ACOT7: variants seen among roughly 807,000 people sequenced by gnomAD.
The protein encoded by ACOT7 is acyl-CoA thioesterase 7, also known as cytosolic acyl coenzyme A thioester hydrolase.
ACOT7 carries 12 observed loss-of-function variants against 40.2 expected under a neutral mutation model. The ratio of observed to expected loss-of-function variants is 0.30; its 90% CI spans 0.19 to 0.48. ACOT7 has a LOEUF of 0.48. ACOT7 is among the 20% of genes least tolerant of loss of function. The probability of loss-of-function intolerance (pLI) is 0.99; values close to 1 mark genes in which losing one functional copy is unlikely to be tolerated. For missense variants in ACOT7, 395 were observed against 530.8 expected (o/e 0.74, Z 2.51); for synonymous variants, 228 against 219.5 (o/e 1.04, Z -0.34).
At chr1:6,329,796 C>T (rs1303495349) in intron 4 of ACOT7, among the ~76,000 whole-genome samples, 1 of 152,088 alleles carries the variant, frequency 6.6e-6, no homozygotes, top group Non-Finnish European at 1.5e-5. Flanking sequence ...CGCTAGAGCA[C>T]ATATTCAGAC....
intron 1 of ACOT7, among the ~76,000 whole-genome samples, chr1:6,371,659 G>C (rs944068098): frequency 2.0e-5 from 3 of 152,040 alleles, no homozygotes; most frequent in Non-Finnish European, 4.4e-5. Flanking sequence ...ACCAGACCTA[G>C]CCTGTCCTTG....
chr1:6,265,905 C>A (rs767519222), intron 8 of ACOT7, among the ~76,000 whole-genome samples: 1 of 152,184 alleles, frequency 6.6e-6, no homozygotes, highest in Non-Finnish European at 1.5e-5. Flanking sequence ...AGAGAGAGCG[C>A]AGTCAGCCAG....
intron 8 of ACOT7, among the ~76,000 whole-genome samples, chr1:6,269,417 G>A (rs572860269): frequency 6.6e-6 from 1 of 152,162 alleles, no homozygotes; most frequent in Non-Finnish European, 1.5e-5. Flanking sequence ...GCCCTGCCCT[G>A]CCCTCAGCCA....
chr1:6,376,213 G>A (rs987878110), intron 1 of ACOT7, among the ~76,000 whole-genome samples: 3 of 151,544 alleles, frequency 2.0e-5, no homozygotes, highest in South Asian at 2.1e-4. Flanking sequence ...CTGAGATGGC[G>A]CCAGTGCACT....
intron 5 of ACOT7, among the ~76,000 whole-genome samples, chr1:6,323,730 AAAAAAAAATATATATATAT>A (rs1187506115): frequency 5.2e-5 from 5 of 96,628 alleles, no homozygotes; most frequent in African/African-American, 2.7e-4. Flanking sequence ...AAAAAAAAAA[AAAAAAAAATATATATATAT>A]ATATATATAT....
chr1:6,374,980 T>A (rs577191162), intron 1 of ACOT7, among the ~76,000 whole-genome samples: 1 of 152,256 alleles, frequency 6.6e-6, no homozygotes, highest in Non-Finnish European at 1.5e-5. Flanking sequence ...AAGACACTGT[T>A]AAGATAATGG....
At position 6,393,486 on chromosome 1, in the gene ACOT7, A is replaced by G. The variant is rs1028303513; in HGVS notation, c.-87T>C. ...AATCGAACGCGGCCTCCCCGCGCCG[A>G]CCCCGCCCCCGCGCCGGCCCCACCC... On this transcript the variant is annotated 5_prime_UTR_variant, in exon 1 of 9. Coordinates refer to ENST00000361521, the MANE Select transcript of ACOT7 (RefSeq NM_007274.4). 3.5e-6 allele frequency: 4 copies of G among 1,138,766 alleles called. No homozygotes were observed. Among genetic ancestry groups the G allele is most frequent in the Admixed American group, 4.4e-5 (1 of 22,484 alleles). The allele number at this position is 1,138,766 out of a possible 1,614,324, so 70.5% of individuals were successfully genotyped here.
chr1:6,285,984 A>G (rs963962654), intron 7 of ACOT7, among the ~76,000 whole-genome samples: 6 of 152,180 alleles, frequency 3.9e-5, no homozygotes, highest in African/African-American at 1.4e-4. Flanking sequence ...AGAGCCTCAA[A>G]TCCACTTCCA....
At chr1:6,285,462 C>T (rs1474037109) in intron 7 of ACOT7, among the ~76,000 whole-genome samples, 1 of 152,250 alleles carries the variant, frequency 6.6e-6, no homozygotes, top group African/African-American at 2.4e-5. Flanking sequence ...CACGTGCTGG[C>T]CGTCACCTGC....
chr1:6,295,717 A>T (rs530436898), intron 6 of ACOT7, among the ~76,000 whole-genome samples: 2 of 152,288 alleles, frequency 1.3e-5, no homozygotes, highest in African/African-American at 4.8e-5. Flanking sequence ...AACCCAGAAG[A>T]GGCAAGTCCA....
chr1:6,285,477 G>A lies in ACOT7; in HGVS notation c.830-4191C>T, dbSNP rs571647469. Among the ~76,000 whole-genome samples the A allele has an allele frequency of 4.6e-5, 7 of 152,370 alleles. No homozygotes were observed. The South Asian group carries it at 8.3e-4, about 18-fold the overall frequency. On this transcript the variant is annotated intron_variant, in intron 7 of 8. Transcript: ENST00000361521. ...CACGTGCTGGCCGTCACCTGCCCAC[G>A]GGGCAGCACAGACTGATTCCGCCCT...
intron 5 of ACOT7, among the ~76,000 whole-genome samples, chr1:6,318,982 C>T (rs528521486): frequency 1.3e-5 from 2 of 152,288 alleles, no homozygotes; most frequent in East Asian, 3.9e-4. Flanking sequence ...TACTCCACAG[C>T]CTGAGAATGT....
intron 5 of ACOT7, among the ~76,000 whole-genome samples, chr1:6,325,670 A>G (rs751682406): frequency 3.3e-5 from 5 of 152,114 alleles, no homozygotes; most frequent in Non-Finnish European, 7.4e-5. Flanking sequence ...GAGACCAAAT[A>G]CACACAAACT....
chr1:6,317,478 G>A (rs1206964668), intron 6 of ACOT7, among the ~76,000 whole-genome samples: 2 of 152,218 alleles, frequency 1.3e-5, no homozygotes, highest in South Asian at 2.1e-4. Context: ...TGTTTGAGAA[G>A]AGATCTGTAC....
chr1:6,354,575 C>A (rs1285227369), intron 1 of ACOT7, among the ~76,000 whole-genome samples: 1 of 152,164 alleles, frequency 6.6e-6, no homozygotes, highest in Non-Finnish European at 1.5e-5. Context: ...ACCACACAAT[C>A]AGACACTGTT....
intron 8 of ACOT7, among the ~76,000 whole-genome samples, chr1:6,279,070 G>A (rs985540043): frequency 6.6e-6 from 1 of 152,222 alleles, no homozygotes; most frequent in Non-Finnish European, 1.5e-5. Context: ...CGGGTCCATG[G>A]GGAGAGACCA....
rs574760706 is a variant in ACOT7, at chr1:6,393,171, TG to T, written c.143+85del. The T allele has an allele frequency of 2.2e-3, 2,558 of 1,183,292 alleles. 42 individuals are homozygous for T. In the African/African-American group the frequency reaches 0.038, roughly 18 times the overall value. 73.3% of individuals were successfully genotyped at this position (1,183,292 alleles called of 1,614,324 possible). ...GGCGGGCGGGGGCGGCCTCGGCGGGTGGGGACCACAGAGCCAAGCGGGGCAG... is the reference window on the plus strand; with the variant it reads ...GGCGGGCGGGGGCGGCCTCGGCGGGTGGGACCACAGAGCCAAGCGGGGCAG... On this transcript the variant is annotated intron_variant, in intron 1 of 8. Coordinates refer to ENST00000361521, the MANE Select transcript of ACOT7 (RefSeq NM_007274.4).
In ACOT7 at chr1:6,288,071, T is replaced by TG; in HGVS notation, c.830-6786dup. On this transcript the variant is annotated intron_variant, in intron 7 of 8. Transcript: ENST00000361521. This position sits in a 1 kb window ranked among gnomAD's most constrained non-coding sequence, Gnocchi z 4.3. The stretch of plus-strand genomic sequence containing the variant: ...CCTCTGGACATTTTAATGTCTCAAC[T>TG]GAAAAAAAAAAATCCACACAGCAAG... Among the ~76,000 whole-genome samples, 1 of 151,862 alleles carries TG rather than the reference T, an allele frequency of 6.6e-6. No homozygotes were observed. Among genetic ancestry groups the TG allele is most frequent in the South Asian group, 2.1e-4 (1 of 4,822 alleles).
chr1:6,345,242 C>T (rs1384079855), intron 2 of ACOT7, among the ~76,000 whole-genome samples: 5 of 152,356 alleles, frequency 3.3e-5, no homozygotes, highest in East Asian at 1.9e-4. Flanking sequence ...CCCTCTGCCA[C>T]GCTCTCAAAA....
Sources: gnomAD v4.1 joint callset for allele counts (sites outside exome capture counted in the v4.1 genomes callset) on GRCh38, gnomAD v4.1.1 for gene constraint, Gnocchi (gnomAD v3.1) non-coding constraint, MANE v1.5 for transcripts, NCBI Gene and HGNC (gene_info 2026-07-23, HGNC 2026-07-21) for gene names.